EZH2: variants seen among roughly 807,000 people sequenced by gnomAD.
EZH2 encodes enhancer of zeste 2 polycomb repressive complex 2 subunit, also known as histone-lysine N-methyltransferase EZH2.
EZH2 carries 18 observed loss-of-function variants against 98.4 expected under a neutral mutation model. The ratio of observed to expected loss-of-function variants is 0.18; its 90% CI spans 0.13 to 0.27. The LOEUF (loss-of-function observed/expected upper bound fraction) is 0.27, where lower values mean the gene tolerates loss of function less well. Ranked by LOEUF, EZH2 falls within the 10% of genes least tolerant of loss-of-function variation. EZH2 has a pLI of 1.00. For synonymous variants in EZH2, 338 were observed against 312.3 expected (o/e 1.08, Z -0.87); for missense variants, 470 against 935.1 (o/e 0.50, Z 6.49).
chr7:148,863,665 G>A (rs994320904), intron 1 of EZH2, among the ~76,000 whole-genome samples: 9 of 151,912 alleles, frequency 5.9e-5, no homozygotes, highest in Non-Finnish European at 1.2e-4. Context: ...TGACTCTATT[G>A]TTTTTTCAAA....
intron 8 of EZH2, among the ~76,000 whole-genome samples, chr7:148,823,063 G>T (rs1268059416): frequency 6.6e-6 from 1 of 152,086 alleles, no homozygotes; most frequent in Non-Finnish European, 1.5e-5. Context: ...GGGAAGCAGA[G>T]ATTAAAAAAC....
Position 148,807,552 on chromosome 7 carries a change from A to T in EZH2, c.*94T>A. On this transcript the variant is annotated 3_prime_UTR_variant, in exon 20 of 20. Transcript: ENST00000320356. ...CAGTACTTTGCAAATTCAGAATTTCAAACTGCATGTTCTTTTTCTAAATTG... is the reference window on the plus strand; with the variant it reads ...CAGTACTTTGCAAATTCAGAATTTCTAACTGCATGTTCTTTTTCTAAATTG... The T allele has an allele frequency of 9.5e-7, 1 of 1,051,726 alleles. No homozygotes were observed. Among genetic ancestry groups the T allele is most frequent in the Non-Finnish European group, 1.4e-6 (1 of 696,506 alleles). 65.1% of individuals were successfully genotyped at this position (1,051,726 alleles called of 1,614,324 possible). A position where few individuals can be genotyped will look rare whatever the true frequency, so the allele number is the denominator to read the frequency against.
At chr7:148,881,025 T>G (rs1820878406) in intron 1 of EZH2, among the ~76,000 whole-genome samples, 1 of 152,194 alleles carries the variant, frequency 6.6e-6, no homozygotes, top group Admixed American at 6.5e-5. Flanking sequence ...ACCATGAACC[T>G]TTCTCTGAAT....
chr7:148,813,880 A>G, intron 15 of EZH2, 79 bp downstream of exon 15: 5 of 1,438,458 alleles, frequency 3.5e-6, no homozygotes, highest in Non-Finnish European at 4.7e-6. Flanking sequence ...CCCCAGCTAA[A>G]TCATCTAAGG....
chr7:148,868,816 A>G (rs956143639), intron 1 of EZH2, among the ~76,000 whole-genome samples: 1 of 152,188 alleles, frequency 6.6e-6, no homozygotes, highest in Non-Finnish European at 1.5e-5. Context: ...CTAATGGGTA[A>G]AAGACTAAGG....
chr7:148,833,093 C>T (rs1809832115), intron 3 of EZH2, among the ~76,000 whole-genome samples: 1 of 152,224 alleles, frequency 6.6e-6, no homozygotes, highest in Admixed American at 6.5e-5. Context: ...TCCTTCATTT[C>T]TCTTACATTC....
rs115490631 is a variant in EZH2, at chr7:148,869,687, T to C, written c.-8+14477A>G. Among the ~76,000 whole-genome samples the C allele has an allele frequency of 8.4e-3, 1,283 of 152,328 alleles. 28 individuals carry two copies. The highest frequency in any genetic ancestry group is 0.03 in the African/African-American group (1,228 of 41,572). On this transcript the variant is annotated intron_variant, in intron 1 of 19. Transcript: ENST00000320356. ...CACTACCTGAGGGAACCTAGGCAAG[T>C]TATTTACTAATTACTTCATCTGCAA...
In EZH2 at chr7:148,823,229, G is replaced by A. The variant is rs140897682; in HGVS notation, c.907+3225C>T. On this transcript the variant is annotated intron_variant, in intron 8 of 19. Coordinates refer to ENST00000320356, the MANE Select transcript of EZH2 (RefSeq NM_004456.5). ...TGCATCCCCATATGGCAGGTCATTTGGCAATACCTAAATAGAGTTTATCAG... is the reference window on the plus strand; with the variant it reads ...TGCATCCCCATATGGCAGGTCATTTAGCAATACCTAAATAGAGTTTATCAG... 1.1e-4 allele frequency among the ~76,000 whole-genome samples: 16 copies of A among 152,214 alleles called. 1 individual carries two copies. Among genetic ancestry groups the A allele is most frequent in the African/African-American group, 3.9e-4 (16 of 41,552 alleles).
At chr7:148,859,685 A>G (rs1229311354) in intron 1 of EZH2, among the ~76,000 whole-genome samples, 1 of 152,228 alleles carries the variant, frequency 6.6e-6, no homozygotes, top group African/African-American at 2.4e-5. Flanking sequence ...TGGGACACAG[A>G]GATCCCACCA....
At chr7:148,810,267 ACT>A in intron 17 of EZH2, 64 bp downstream of exon 17, 1 of 1,227,272 alleles carries the variant, frequency 8.1e-7, no homozygotes, top group Non-Finnish European at 1.2e-6. Flanking sequence ...GTTTCTGAAC[ACT>A]CGGCCGGCAG....
At chr7:148,808,578 G>A (rs570437514) in intron 19 of EZH2, among the ~76,000 whole-genome samples, 1 of 152,344 alleles carries the variant, frequency 6.6e-6, no homozygotes, top group African/African-American at 2.4e-5. Flanking sequence ...CATCCCCACA[G>A]GGTGATCAGA....
chr7:148,874,677 G>A (rs1056129582), intron 1 of EZH2, among the ~76,000 whole-genome samples: 1 of 152,062 alleles, frequency 6.6e-6, no homozygotes, highest in Non-Finnish European at 1.5e-5. Context: ...TTATTGTGGG[G>A]GCAATTCAGG....
intron 3 of EZH2, among the ~76,000 whole-genome samples, chr7:148,833,412 G>A (rs62505370): frequency 0.14 from 20,622 of 150,852 alleles, 1,859 homozygotes; most frequent in Non-Finnish European, 0.2. Context: ...AGTCGAGATC[G>A]CGCCACTGCA....
At chr7:148,866,519 T>C (rs142248416) in intron 1 of EZH2, among the ~76,000 whole-genome samples, 2,961 of 70,514 alleles carry the variant, frequency 0.042, 47 homozygotes, top group Non-Finnish European at 0.066. Flanking sequence ...CATATATATG[T>C]GTATATACAT....
chr7:148,882,711 GT>G (rs1821191743), intron 1 of EZH2, among the ~76,000 whole-genome samples: 1 of 152,144 alleles, frequency 6.6e-6, no homozygotes, highest in African/African-American at 2.4e-5. Context: ...ATTAAATGCT[GT>G]TTTATGATGA....
rs41277437 is a variant in EZH2 at position 148,814,079 on chromosome 7, C to A, written c.1731G>T (p.Pro577=). 4 of 1,614,144 alleles carry A rather than the reference C, an allele frequency of 2.5e-6. No homozygotes were observed. Among genetic ancestry groups the A allele is most frequent in the Non-Finnish European group, 3.4e-6 (4 of 1,180,034 alleles). ...CKAQCNTKQC[P]CYLAVRECDP... The stretch of plus-strand genomic sequence containing the variant: ...CACACTCTCGGACAGCCAGGTAGCA[C>A]GGGCACTGCTTGGTGTTGCACTGTG... The change falls in exon 15 of 20, where the codon CCG becomes CCT. Residue 577 remains proline, a synonymous_variant. Coordinates refer to ENST00000320356, the MANE Select transcript of EZH2 (RefSeq NM_004456.5).
Position 148,807,436 on chromosome 7 carries a change from T to C in EZH2, c.*210A>G, listed in dbSNP as rs565204867. On this transcript the variant is annotated 3_prime_UTR_variant, in exon 20 of 20. Transcript: ENST00000320356. ...TTGAAAAATGTACCATACTGCATTA[T>C]TGCAAAAATTCACTGGTACAAAACA... is the stretch of plus-strand genomic sequence containing the variant. 4 of 571,304 alleles carry C rather than the reference T, an allele frequency of 7.0e-6. No individual in the cohort carries two copies. The highest frequency in any genetic ancestry group is 3.7e-5 in the African/African-American group (2 of 53,524). 35.4% of individuals were successfully genotyped at this position (571,304 alleles called of 1,614,324 possible). A position where few individuals can be genotyped will look rare whatever the true frequency, so the allele number is the denominator to read the frequency against.
intron 4 of EZH2, among the ~76,000 whole-genome samples, chr7:148,831,271 AATGTATT>A (rs1809312819): frequency 6.6e-6 from 1 of 152,220 alleles, no homozygotes. Flanking sequence ...TGCAGGTTTT[AATGTATT>A]CATATATTCA....
chr7:148,819,838 CTGAA>C (rs1805512745), intron 8 of EZH2, 151 bp from the exon 9 acceptor site: 2 of 648,946 alleles, frequency 3.1e-6, no homozygotes, highest in Admixed American at 5.7e-5. Flanking sequence ...CAGGCTCTTA[CTGAA>C]TGATCACAAC....
Sources: allele counts gnomAD v4.1 joint callset (sites outside exome capture counted in the v4.1 genomes callset), GRCh38; gene constraint gnomAD v4.1.1; transcripts MANE v1.5; gene names NCBI Gene and HGNC (gene_info 2026-07-23, HGNC 2026-07-21).